IL34: variants seen among roughly 807,000 people sequenced by gnomAD.
IL34 encodes interleukin 34.
In IL34, 17 loss-of-function variants were observed where a neutral mutation model predicts 25.3. The ratio of observed to expected loss-of-function variants is 0.67; its 90% confidence interval spans 0.46 to 1.01. The LOEUF (loss-of-function observed/expected upper bound fraction) is 1.01, where lower values mean the gene tolerates loss of function less well. Among genes scored for constraint, IL34 ranks in the 50% least tolerant of loss-of-function variants. IL34 has a pLI of 0.00. For missense variants in IL34, 368 were observed against 312.9 expected (o/e 1.18, Z -1.33); for synonymous variants, 174 against 140.9 (o/e 1.23, Z -1.66).
chr16:70,595,264 A>G (rs2050805881), intron 1 of IL34, among the ~76,000 whole-genome samples: 1 of 150,160 alleles, frequency 6.7e-6, no homozygotes, highest in African/African-American at 2.5e-5. Flanking sequence ...CCTGGCCTGC[A>G]TTTCAATTTC....
chr16:70,580,368 A>G (rs894177090), intron 1 of IL34, among the ~76,000 whole-genome samples: 1 of 152,258 alleles, frequency 6.6e-6, no homozygotes, highest in African/African-American at 2.4e-5. Flanking sequence ...ACAAACCTAC[A>G]TTCTCAAATG....
chr16:70,601,276 TA>T (rs922837407), intron 1 of IL34, among the ~76,000 whole-genome samples: 24 of 151,690 alleles, frequency 1.6e-4, no homozygotes, highest in South Asian at 1.3e-3. Flanking sequence ...TTAAAAATAA[TA>T]AAAAAAAATT....
At chr16:70,618,677 G>A (rs537599605) in intron 1 of IL34, among the ~76,000 whole-genome samples, 4 of 152,170 alleles carry the variant, frequency 2.6e-5, no homozygotes, top group African/African-American at 4.8e-5. Flanking sequence ...CGCTAACCAT[G>A]CCTAGGGAGG....
chr16:70,636,029 CTT>C (rs112235542), intron 1 of IL34, among the ~76,000 whole-genome samples: 11 of 139,922 alleles, frequency 7.9e-5, no homozygotes, highest in African/African-American at 1.3e-4. Context: ...GGGTCTGTAT[CTT>C]TTTTTTTTTT....
chr16:70,642,082 A>G (rs573058926), upstream of IL34, among the ~76,000 whole-genome samples: 1 of 152,140 alleles, frequency 6.6e-6, no homozygotes, highest in Admixed American at 6.6e-5. Flanking sequence ...GGCTTAAACA[A>G]CAGAAATCTG....
At chr16:70,617,940 A>C (rs2051199761) in intron 1 of IL34, among the ~76,000 whole-genome samples, 1 of 151,994 alleles carries the variant, frequency 6.6e-6, no homozygotes, top group Non-Finnish European at 1.5e-5. Flanking sequence ...GTATCTACCT[A>C]GACTAAGAGG....
At chr16:70,618,311 G>A (rs554490679) in intron 1 of IL34, among the ~76,000 whole-genome samples, 3 of 151,994 alleles carry the variant, frequency 2.0e-5, no homozygotes, top group African/African-American at 7.3e-5. Context: ...GGATCTGAGA[G>A]ATACAGTCAT....
intron 1 of IL34, among the ~76,000 whole-genome samples, chr16:70,653,874 G>C (rs941623420): frequency 6.6e-6 from 1 of 152,074 alleles, no homozygotes; most frequent in Non-Finnish European, 1.5e-5. Context: ...AAATCGTATA[G>C]GCTGTTTTTG....
chr16:70,585,818 C>G (rs1030845124), intron 1 of IL34, among the ~76,000 whole-genome samples: 4 of 151,308 alleles, frequency 2.6e-5, no homozygotes, highest in African/African-American at 9.7e-5. Context: ...AGGCGTGAGC[C>G]ACTGCATCCA....
chr16:70,596,504 C>T (rs1026073662), intron 1 of IL34, among the ~76,000 whole-genome samples: 26 of 152,280 alleles, frequency 1.7e-4, no homozygotes, highest in African/African-American at 5.5e-4. Context: ...CTTCTCCCCA[C>T]GTCTTCCTCC....
intron 1 of IL34, among the ~76,000 whole-genome samples, chr16:70,591,527 C>T (rs76926677): frequency 0.046 from 7,007 of 150,928 alleles, 227 homozygotes; most frequent in Non-Finnish European, 0.065. Flanking sequence ...CATGATCACA[C>T]CATTGTACTC....
At chr16:70,656,536 G>T in intron 2 of IL34, 66 bp from the exon 3 acceptor site, 1 of 856,252 alleles carries the variant, frequency 1.2e-6, no homozygotes. Context: ...ACATCATTTG[G>T]GAGGTTGGGG....
intron 4 of IL34, 35 bp from the exon 5 acceptor site, chr16:70,659,583 C>T (rs1208022768): frequency 6.3e-7 from 1 of 1,577,184 alleles, no homozygotes. Context: ...GCGGCCCCAT[C>T]TCGCCACCGC....
chr16:70,636,490 C>G (rs1178483070), intron 1 of IL34, among the ~76,000 whole-genome samples: 1 of 152,082 alleles, frequency 6.6e-6, no homozygotes, highest in Non-Finnish European at 1.5e-5. Context: ...AATGAATACT[C>G]TGACATAGTG....
At chr16:70,637,592 C>T (rs1006273524) in intron 1 of IL34, among the ~76,000 whole-genome samples, 8 of 151,932 alleles carry the variant, frequency 5.3e-5, no homozygotes, top group Non-Finnish European at 7.4e-5. Context: ...GATCTGCCCC[C>T]CCTCGACCTC....
At chr16:70,655,938 A>G (rs1026697033) in intron 2 of IL34, among the ~76,000 whole-genome samples, 13 of 152,214 alleles carry the variant, frequency 8.5e-5, no homozygotes, top group African/African-American at 3.1e-4. Flanking sequence ...TAAAAGACAT[A>G]ATTTACTCAT....
At chr16:70,628,473 A>T (rs915732300) in intron 1 of IL34, among the ~76,000 whole-genome samples, 1 of 149,182 alleles carries the variant, frequency 6.7e-6, no homozygotes, top group Non-Finnish European at 1.5e-5. Context: ...GTTTGTTTTT[A>T]TTTATTTATT....
At chr16:70,658,252 C>A (rs771879515) in intron 4 of IL34, among the ~76,000 whole-genome samples, 1 of 152,224 alleles carries the variant, frequency 6.6e-6, no homozygotes, top group African/African-American at 2.4e-5. Context: ...TGGAACCAGA[C>A]TGGTGGGGAG....
At chr16:70,612,782 A>G (rs1268551570) in intron 1 of IL34, among the ~76,000 whole-genome samples, 1 of 152,092 alleles carries the variant, frequency 6.6e-6, no homozygotes, top group Non-Finnish European at 1.5e-5. Context: ...CCCAATTAGA[A>G]CACATGTTTT....
Sources: allele counts gnomAD v4.1 joint callset (sites outside exome capture counted in the v4.1 genomes callset), GRCh38; gene constraint gnomAD v4.1.1; transcripts MANE v1.5; gene names NCBI Gene and HGNC (gene_info 2026-07-23, HGNC 2026-07-21).